RGL1: variants seen among roughly 807,000 people sequenced by gnomAD.
The protein encoded by RGL1 is ral guanine nucleotide dissociation stimulator like 1, also known as ral guanine nucleotide dissociation stimulator-like 1.
A neutral mutation model predicts 95.2 loss-of-function variants in RGL1; 24 were observed. The observed-to-expected ratio is 0.25, with a 90% CI of 0.18 to 0.35. RGL1 has a LOEUF of 0.35. RGL1 is among the 10% of genes least tolerant of loss of function. The pLI, the probability that RGL1 is intolerant of heterozygous loss-of-function variation, is 1.00. For missense variants in RGL1, 715 were observed against 936.3 expected, an observed-to-expected ratio of 0.76 and a Z score of 3.08; for synonymous variants, 329 against 344.9, an observed-to-expected ratio of 0.95 and a Z score of 0.51.
chr1:183,926,060 T>C (rs1452596155), intron 17 of RGL1, 45 bp from the exon 18 acceptor site: 1 of 1,561,198 alleles, frequency 6.4e-7, no homozygotes, highest in African/African-American at 1.4e-5. Context: ...AGTACTGAGC[T>C]GACCTCCACA....
chr1:183,643,537 T>G (rs934918417), intron 1 of RGL1, among the ~76,000 whole-genome samples: 1 of 152,040 alleles, frequency 6.6e-6, no homozygotes, highest in Non-Finnish European at 1.5e-5. Flanking sequence ...GTGATCCGCC[T>G]ACCTCGGCCT....
intron 1 of RGL1, among the ~76,000 whole-genome samples, chr1:183,712,306 G>A (rs1655332568): frequency 6.6e-6 from 1 of 152,214 alleles, no homozygotes; most frequent in African/African-American, 2.4e-5. Flanking sequence ...GTATTCACTT[G>A]ACAGCCTGCC....
chr1:183,656,637 G>A (rs1019111435), intron 1 of RGL1, among the ~76,000 whole-genome samples: 27 of 152,192 alleles, frequency 1.8e-4, no homozygotes, highest in Admixed American at 1.5e-3. Flanking sequence ...CAGCAGCACT[G>A]GAGATGCTTT....
chr1:183,907,737 A>G (rs917780009), intron 14 of RGL1, among the ~76,000 whole-genome samples: 9 of 152,250 alleles, frequency 5.9e-5, no homozygotes, highest in African/African-American at 2.2e-4. Flanking sequence ...ACCTGAGAAC[A>G]GGAACCTTGT....
At chr1:183,798,024 T>C (rs759772854) in intron 2 of RGL1, among the ~76,000 whole-genome samples, 5 of 152,226 alleles carry the variant, frequency 3.3e-5, no homozygotes, top group African/African-American at 7.2e-5. Context: ...AGGGCAATTA[T>C]CAGTTTTGTT....
chr1:183,851,152 T>C (rs990611187), intron 3 of RGL1, among the ~76,000 whole-genome samples: 2 of 152,238 alleles, frequency 1.3e-5, no homozygotes, highest in African/African-American at 4.8e-5. Flanking sequence ...CAAGCTGTCA[T>C]GTACGATATA....
chr1:183,836,677 T>C (rs1235783052), intron 2 of RGL1, among the ~76,000 whole-genome samples: 1 of 152,114 alleles, frequency 6.6e-6, no homozygotes, highest in Non-Finnish European at 1.5e-5. Flanking sequence ...ACCTGGTGGG[T>C]TTATCAGTAG....
intron 1 of RGL1, among the ~76,000 whole-genome samples, chr1:183,738,894 C>T (rs909518719): frequency 6.6e-6 from 1 of 152,014 alleles, no homozygotes; most frequent in Non-Finnish European, 1.5e-5. Flanking sequence ...GCACGAGACC[C>T]TGTCTCAAAA....
At chr1:183,752,705 TTTC>T (rs1658096129) in intron 2 of RGL1, among the ~76,000 whole-genome samples, 71 of 128,550 alleles carry the variant, frequency 5.5e-4, no homozygotes, top group South Asian at 1.5e-3. Flanking sequence ...TCTCTCTCTC[TTTC>T]CCCTTTCCTC....
At chr1:183,788,306 G>A (rs1660279000) in intron 2 of RGL1, among the ~76,000 whole-genome samples, 1 of 152,184 alleles carries the variant, frequency 6.6e-6, no homozygotes, top group Non-Finnish European at 1.5e-5. Context: ...CACATTAAAA[G>A]ATGAGATGAG....
intron 1 of RGL1, chr1:183,648,863 A>G: frequency 3.7e-6 from 4 of 1,092,086 alleles, no homozygotes; most frequent in African/African-American, 1.6e-5. Context: ...AAAACTGAAG[A>G]CAGTGCATTA....
chr1:183,695,072 G>T lies in RGL1; in HGVS notation c.-32-47054G>T, dbSNP rs191420983. On this transcript the variant is annotated intron_variant, in intron 1 of 18. Transcript: ENST00000304685. The stretch of plus-strand genomic sequence containing the variant: ...GCTCTTGGATGATCTAAGTGGAAAA[G>T]AGCTGAAGCCATGTAAGTGAAGGTG... Among the ~76,000 whole-genome samples, 7 of 152,316 alleles carry T rather than the reference G, an allele frequency of 4.6e-5. No homozygotes were observed. In the East Asian group the frequency reaches 1.4e-3, roughly 29 times the overall value.
chr1:183,910,105 C>T (rs943181772), intron 14 of RGL1, among the ~76,000 whole-genome samples: 2 of 152,084 alleles, frequency 1.3e-5, no homozygotes, highest in Admixed American at 6.5e-5. Context: ...TTCCTTCCTT[C>T]CTCACTCGCT....
chr1:183,801,511 CT>C (rs1346482344), upstream of RGL1, among the ~76,000 whole-genome samples: 1 of 152,070 alleles, frequency 6.6e-6, no homozygotes, highest in Non-Finnish European at 1.5e-5. Context: ...TGTACTTTCA[CT>C]TCTCTAATTT....
At chr1:183,689,662 G>T (rs1270942196) in intron 1 of RGL1, among the ~76,000 whole-genome samples, 1 of 152,160 alleles carries the variant, frequency 6.6e-6, no homozygotes, top group East Asian at 1.9e-4. Flanking sequence ...ATAAATGTCT[G>T]CTGAGTGAAT....
chr1:183,891,717 C>G (rs1367408009), intron 8 of RGL1, among the ~76,000 whole-genome samples: 1 of 147,218 alleles, frequency 6.8e-6, no homozygotes, highest in Non-Finnish European at 1.5e-5. Context: ...GATCTGTGGG[C>G]TCTGTGTGTG....
At chr1:183,791,804 A>T (rs1225001149) in intron 2 of RGL1, among the ~76,000 whole-genome samples, 1 of 152,052 alleles carries the variant, frequency 6.6e-6, no homozygotes, top group Non-Finnish European at 1.5e-5. Context: ...AATTTTCATA[A>T]CTCAAGTTCT....
intron 2 of RGL1, among the ~76,000 whole-genome samples, chr1:183,844,084 C>T (rs978086478): frequency 2.6e-5 from 4 of 152,152 alleles, no homozygotes; most frequent in African/African-American, 4.8e-5. Context: ...CCTTGGCCTC[C>T]CGAAGTGCTG....
intron 2 of RGL1, among the ~76,000 whole-genome samples, chr1:183,748,525 C>T (rs759339918): frequency 1.3e-5 from 2 of 150,978 alleles, no homozygotes; most frequent in Admixed American, 6.6e-5. Context: ...CCTGCCTCAG[C>T]CTCTGGAGTA....
Sources: gnomAD v4.1 joint callset for allele counts (sites outside exome capture counted in the v4.1 genomes callset) on GRCh38, gnomAD v4.1.1 for gene constraint, MANE v1.5 for transcripts, NCBI Gene and HGNC (gene_info 2026-07-23, HGNC 2026-07-21) for gene names.